B3GAT2: variants seen among roughly 807,000 people sequenced by gnomAD.
B3GAT2 encodes the protein galactosylgalactosylxylosylprotein 3-beta-glucuronosyltransferase 2.
Under a neutral mutation model 27.8 loss-of-function variants are expected in B3GAT2, and 26 were observed. That is an observed-to-expected ratio of 0.93 (90% confidence interval 0.68 to 1.30). The LOEUF is 1.30. Ranked by LOEUF, B3GAT2 falls within the 50% of genes most tolerant of loss-of-function variation. The pLI is 0.00. For synonymous variants in B3GAT2, 218 were observed against 195.1 expected (o/e 1.12, Z -0.98); for missense variants, 458 against 459.0 (o/e 1.00, Z 0.02).
At chr6:70,936,805 A>T (rs1765289555) in intron 1 of B3GAT2, among the ~76,000 whole-genome samples, 1 of 152,200 alleles carries the variant, frequency 6.6e-6, no homozygotes, top group Non-Finnish European at 1.5e-5. Flanking sequence ...AAAGCAGGAA[A>T]GATCCAAAAT....
chr6:70,935,583 T>A lies in B3GAT2; in HGVS notation c.591+20256A>T, dbSNP rs558917297. On this transcript the variant is annotated intron_variant, in intron 1 of 3. Transcript: ENST00000230053. ...TATAGATCTACTGGATATATTTAAA[T>A]TTCATTACAAATGTCAACATTTATA... is the stretch of plus-strand genomic sequence containing the variant. Among the ~76,000 whole-genome samples, 17 of 152,326 alleles carry A rather than the reference T, an allele frequency of 1.1e-4. No individual in the cohort carries two copies. In the South Asian group the frequency reaches 3.1e-3, roughly 28 times the overall value.
At chr6:70,884,299 TC>T (rs903548045) in intron 2 of B3GAT2, among the ~76,000 whole-genome samples, 3 of 152,046 alleles carry the variant, frequency 2.0e-5, no homozygotes, top group African/African-American at 4.8e-5. Flanking sequence ...CAGCTCGGCA[TC>T]CCCCTTTACA....
chr6:70,905,134 A>G (rs1562224849), intron 1 of B3GAT2, among the ~76,000 whole-genome samples: 1 of 152,152 alleles, frequency 6.6e-6, no homozygotes, highest in Non-Finnish European at 1.5e-5. Context: ...TTAAATTTCT[A>G]TTTTCCCCAA....
intron 1 of B3GAT2, among the ~76,000 whole-genome samples, chr6:70,931,417 C>T (rs2150045979): frequency 6.6e-6 from 1 of 152,152 alleles, no homozygotes; most frequent in South Asian, 2.1e-4. Flanking sequence ...CTCCAGTCTC[C>T]CATTTAGCCA....
chr6:70,911,382 T>C (rs1047709683), intron 1 of B3GAT2, among the ~76,000 whole-genome samples: 7 of 152,180 alleles, frequency 4.6e-5, no homozygotes, highest in Non-Finnish European at 1.0e-4. Context: ...TAGCGATCCA[T>C]CCCGAATCAC....
chr6:70,934,803 A>G (rs955462842), intron 1 of B3GAT2, among the ~76,000 whole-genome samples: 5 of 152,208 alleles, frequency 3.3e-5, no homozygotes, highest in African/African-American at 1.2e-4. Flanking sequence ...GCAATCTGTA[A>G]TATTTGTCAA....
chr6:70,886,641 A>C lies in B3GAT2; in HGVS notation c.736+7487T>G, dbSNP rs1772191903. On this transcript the variant is annotated intron_variant, in intron 2 of 3. Transcript: ENST00000230053. ...GTCCACCCCACCTGACCCCACTACC[A>C]GCTGCTCCAGAGCAAGCACCCTGAG... Among the ~76,000 whole-genome samples, 6 of 151,866 alleles carry C rather than the reference A, an allele frequency of 4.0e-5. No homozygotes were observed. The South Asian group carries it at 1.2e-3, about 32-fold the overall frequency.
chr6:70,856,845 G>A lies in B3GAT2; in HGVS notation c.*4818C>T. The A allele has an allele frequency of 6.3e-7, 1 of 1,583,862 alleles. No individual in the cohort carries two copies. The highest frequency in any genetic ancestry group is 1.2e-5 in the South Asian group (1 of 86,066). On this transcript the variant is annotated 3_prime_UTR_variant, in exon 4 of 4. Coordinates refer to ENST00000230053, the MANE Select transcript of B3GAT2 (RefSeq NM_080742.3). ...TATGCAGAATTTGATAGCTTATTTT[G>A]GTGTTTGTCTCAGGGGACACCCTCT...
intron 1 of B3GAT2, among the ~76,000 whole-genome samples, chr6:70,902,743 C>CTT (rs1488468297): frequency 4.6e-5 from 7 of 150,886 alleles, no homozygotes; most frequent in Non-Finnish European, 1.0e-4. Context: ...TTTGCAACAA[C>CTT]ATAAAAAAAC....
In B3GAT2 at chr6:70,860,527, T is replaced by C; in HGVS notation, c.*1136A>G. Reference sequence around the variant, plus strand: ...GTGAAAAGCAGGTTGATAAATCATTTTATGTCAAGGGCAGCTTTGCTCATA... The same window carrying C: ...GTGAAAAGCAGGTTGATAAATCATTCTATGTCAAGGGCAGCTTTGCTCATA... On this transcript the variant is annotated 3_prime_UTR_variant, in exon 4 of 4. Transcript: ENST00000230053. 1.9e-6 allele frequency: 1 copy of C among 527,356 alleles called. No homozygotes were observed. The highest frequency in any genetic ancestry group is 6.8e-5 in the South Asian group (1 of 14,746). The allele number at this position is 527,356 out of a possible 1,614,324, so 32.7% of individuals were successfully genotyped here. A position where few individuals can be genotyped will look rare whatever the true frequency, so the allele number is the denominator to read the frequency against.
chr6:70,881,535 A>T (rs1186432611), intron 2 of B3GAT2, among the ~76,000 whole-genome samples: 1 of 152,162 alleles, frequency 6.6e-6, no homozygotes, highest in Non-Finnish European at 1.5e-5. Flanking sequence ...TCCACAGAAA[A>T]ACCAGGGAGT....
intron 1 of B3GAT2, among the ~76,000 whole-genome samples, chr6:70,943,679 A>C (rs1688240612): frequency 6.6e-6 from 1 of 152,218 alleles, no homozygotes; most frequent in African/African-American, 2.4e-5. Flanking sequence ...ACTACAGTTT[A>C]TATACTAACT....
chr6:70,930,457 A>C (rs1773041957), intron 1 of B3GAT2, among the ~76,000 whole-genome samples: 1 of 152,256 alleles, frequency 6.6e-6, no homozygotes, highest in Non-Finnish European at 1.5e-5. Flanking sequence ...ACAAAGGGCT[A>C]ATATCCAGAA....
intron 2 of B3GAT2, among the ~76,000 whole-genome samples, chr6:70,864,946 A>C (rs1156715220): frequency 2.0e-5 from 3 of 152,176 alleles, no homozygotes; most frequent in Non-Finnish European, 4.4e-5. Flanking sequence ...GTAAAAAAAA[A>C]AATGCAAATA....
chr6:70,906,309 C>G (rs1386573936), intron 1 of B3GAT2, among the ~76,000 whole-genome samples: 1 of 152,098 alleles, frequency 6.6e-6, no homozygotes, highest in African/African-American at 2.4e-5. Context: ...TACTCTACCA[C>G]GACCACACAC....
intron 2 of B3GAT2, among the ~76,000 whole-genome samples, chr6:70,871,966 T>A (rs1771945448): frequency 6.6e-6 from 1 of 152,014 alleles, no homozygotes; most frequent in African/African-American, 2.4e-5. Flanking sequence ...TGATTTTTTT[T>A]AGGAGTGTGT....
chr6:70,918,819 C>T (rs1053293034), intron 1 of B3GAT2, among the ~76,000 whole-genome samples: 13 of 152,254 alleles, frequency 8.5e-5, no homozygotes, highest in African/African-American at 3.1e-4. Context: ...TCTCTGGCTG[C>T]CCTTAACATT....
chr6:70,919,279 T>G (rs374087581), intron 1 of B3GAT2, among the ~76,000 whole-genome samples: 1 of 152,224 alleles, frequency 6.6e-6, no homozygotes, highest in Admixed American at 6.5e-5. Flanking sequence ...CACTGGTTAT[T>G]GTATTCTAGT....
At chr6:70,927,086 A>G (rs1772975149) in intron 1 of B3GAT2, among the ~76,000 whole-genome samples, 1 of 152,206 alleles carries the variant, frequency 6.6e-6, no homozygotes, top group Non-Finnish European at 1.5e-5. Flanking sequence ...AAGCTTCATA[A>G]GTGAAGGAGA....
Sources: allele counts gnomAD v4.1 joint callset (sites outside exome capture counted in the v4.1 genomes callset), GRCh38; gene constraint gnomAD v4.1.1; transcripts MANE v1.5; gene names NCBI Gene and HGNC (gene_info 2026-07-23, HGNC 2026-07-21).